Variants in CDH20 observed in about 807,000 individuals in gnomAD.
The protein encoded by CDH20 is cadherin-20.
A neutral mutation model predicts 74.2 loss-of-function variants in CDH20; 29 were observed. The ratio of observed to expected loss-of-function variants is 0.39; its 90% CI spans 0.29 to 0.53. The LOEUF (loss-of-function observed/expected upper bound fraction) is 0.53. CDH20 is among the 20% of genes least tolerant of loss of function. CDH20 has a pLI of 0.69. For missense variants in CDH20, 988 were observed against 1,048.3 expected, an observed-to-expected ratio of 0.94 and a Z score of 0.79; for synonymous variants, 469 against 405.4, an observed-to-expected ratio of 1.16 and a Z score of -1.88.
At chr18:61,425,437 G>A (rs893788820) in intron 1 of CDH20, among the ~76,000 whole-genome samples, 7 of 152,294 alleles carry the variant, frequency 4.6e-5, no homozygotes, top group Non-Finnish European at 8.8e-5. Flanking sequence ...CATGAGTAGG[G>A]CCCAGTGCCT....
intron 1 of CDH20, among the ~76,000 whole-genome samples, chr18:61,354,914 A>G (rs916252413): frequency 3.9e-5 from 6 of 152,218 alleles, no homozygotes; most frequent in Admixed American, 3.9e-4. Context: ...GGGTGACTAT[A>G]TAATTTGTCA....
Position 61,523,569 on chromosome 18 carries a change from G to A in CDH20, c.1018-4398G>A, listed in dbSNP as rs112895318. Among the ~76,000 whole-genome samples the A allele has an allele frequency of 2.6e-3, 402 of 152,260 alleles. 2 individuals carry two copies. Among genetic ancestry groups the A allele is most frequent in the African/African-American group, 9.0e-3 (373 of 41,554 alleles). ...TATGACCCAGCAATCCCATTACTGG[G>A]TATATACCCAAAGGATTATAAAACT... On this transcript the variant is annotated intron_variant, in intron 6 of 11. Coordinates refer to ENST00000262717, the MANE Select transcript of CDH20 (RefSeq NM_031891.4).
intron 1 of CDH20, among the ~76,000 whole-genome samples, chr18:61,437,340 T>A (rs1908871779): frequency 6.6e-6 from 1 of 152,210 alleles, no homozygotes; most frequent in Non-Finnish European, 1.5e-5. Flanking sequence ...AGCTGCCATG[T>A]TCATCATCCT....
At chr18:61,529,295 G>A (rs907329004) in intron 7 of CDH20, among the ~76,000 whole-genome samples, 7 of 152,130 alleles carry the variant, frequency 4.6e-5, no homozygotes, top group African/African-American at 7.2e-5. Context: ...TGCCTTTTCC[G>A]TCAGCTGGCT....
At chr18:61,509,896 G>A (rs1385882356) in intron 6 of CDH20, among the ~76,000 whole-genome samples, 1 of 152,122 alleles carries the variant, frequency 6.6e-6, no homozygotes, top group East Asian at 1.9e-4. Context: ...CGTGGATGAG[G>A]ATATGGAAGA....
At chr18:61,515,672 C>T (rs1169445475) in intron 6 of CDH20, among the ~76,000 whole-genome samples, 3 of 149,046 alleles carry the variant, frequency 2.0e-5, no homozygotes, top group Non-Finnish European at 4.4e-5. Context: ...AGTAAACTAT[C>T]GCAAGAACAA....
chr18:61,440,443 T>A (rs886462291), intron 1 of CDH20, among the ~76,000 whole-genome samples: 1 of 152,186 alleles, frequency 6.6e-6, no homozygotes, highest in Admixed American at 6.5e-5. Context: ...TTCACAGCTT[T>A]ATTGCAGACA....
At chr18:61,412,193 A>G (rs991081747) in intron 1 of CDH20, among the ~76,000 whole-genome samples, 2 of 152,136 alleles carry the variant, frequency 1.3e-5, no homozygotes, top group African/African-American at 4.8e-5. Flanking sequence ...AGAAAAATAT[A>G]TACATAATTC....
chr18:61,522,478 T>A lies in CDH20; in HGVS notation c.1018-5489T>A, dbSNP rs568943753. 2.0e-5 allele frequency among the ~76,000 whole-genome samples: 3 copies of A among 152,276 alleles called. No homozygotes were observed. In the East Asian group the frequency reaches 5.8e-4, roughly 29 times the overall value. On this transcript the variant is annotated intron_variant, in intron 6 of 11. Transcript: ENST00000262717. The stretch of plus-strand genomic sequence containing the variant: ...ATAGGAACACGCAATATCGTGAAAA[T>A]GGCCATACTGCCCAAAGTAATTTAT...
intron 1 of CDH20, among the ~76,000 whole-genome samples, chr18:61,371,660 A>G (rs17068238): frequency 0.043 from 6,543 of 152,178 alleles, 222 homozygotes; most frequent in South Asian, 0.15. Flanking sequence ...GTTTGGTCTC[A>G]AGAAAGGCTA....
At chr18:61,347,026 G>T (rs536979804) in intron 1 of CDH20, among the ~76,000 whole-genome samples, 13 of 151,898 alleles carry the variant, frequency 8.6e-5, no homozygotes, top group African/African-American at 2.9e-4. Flanking sequence ...TTCTATTTTT[G>T]CTCTTGCTTT....
At chr18:61,366,237 C>T (rs916987329) in intron 1 of CDH20, among the ~76,000 whole-genome samples, 4 of 152,010 alleles carry the variant, frequency 2.6e-5, no homozygotes, top group Non-Finnish European at 4.4e-5. Context: ...CACATTCTGC[C>T]GCTTGGTATA....
At chr18:61,546,482 T>C (rs588677) in intron 10 of CDH20, among the ~76,000 whole-genome samples, 138,008 of 152,242 alleles carry the variant, frequency 0.91, 63,302 homozygotes, top group East Asian at 0.98. Context: ...TCCTGAAGTT[T>C]TTATTGGGTC....
chr18:61,500,360 T>C, intron 3 of CDH20, 23 bp from the exon 4 acceptor site: 1 of 1,609,250 alleles, frequency 6.2e-7, no homozygotes, highest in East Asian at 2.2e-5. Context: ...CTTGAACAGG[T>C]TTCTACCTCT....
At chr18:61,341,424 C>T (rs200957423) in intron 1 of CDH20, among the ~76,000 whole-genome samples, 2 of 14,578 alleles carry the variant, frequency 1.4e-4, no homozygotes, top group Non-Finnish European at 2.3e-4. Flanking sequence ...TGCCTTGAGC[C>T]CCCCCCCCGC....
chr18:61,377,246 G>C (rs752452872), intron 1 of CDH20, among the ~76,000 whole-genome samples: 2 of 152,084 alleles, frequency 1.3e-5, no homozygotes, highest in African/African-American at 2.4e-5. Context: ...TTTCACTGGA[G>C]AAACAGAATT....
chr18:61,490,197 G>A (rs1910905344), intron 1 of CDH20, among the ~76,000 whole-genome samples: 1 of 152,038 alleles, frequency 6.6e-6, no homozygotes, highest in Admixed American at 6.6e-5. Flanking sequence ...TATATCCAAA[G>A]GTTTGGGATT....
intron 1 of CDH20, among the ~76,000 whole-genome samples, chr18:61,433,070 G>C (rs1460345520): frequency 6.6e-6 from 1 of 152,024 alleles, no homozygotes; most frequent in East Asian, 1.9e-4. Flanking sequence ...TCTCAACTTG[G>C]CTATGTGACC....
In CDH20 at chr18:61,420,606, T is replaced by C. The variant is rs373950672; in HGVS notation, c.-152-69796T>C. 7.9e-5 allele frequency among the ~76,000 whole-genome samples: 12 copies of C among 152,286 alleles called. No individual in the cohort carries two copies. The East Asian group carries it at 1.5e-3, about 20-fold the overall frequency. On this transcript the variant is annotated intron_variant, in intron 1 of 11. Transcript: ENST00000262717. ...CTTTCAAAAAAATTTTTGAGTGGTT[T>C]CCAGGGGAGAGGTGCTGTGCCTGGG...
Sources: gnomAD v4.1 joint callset for allele counts (sites outside exome capture counted in the v4.1 genomes callset) on GRCh38, gnomAD v4.1.1 for gene constraint, MANE v1.5 for transcripts, NCBI Gene and HGNC (gene_info 2026-07-23, HGNC 2026-07-21) for gene names.